Variants in UBE2V2 observed in about 807,000 individuals in gnomAD.
The protein encoded by UBE2V2 is ubiquitin conjugating enzyme E2 V2.
A neutral mutation model predicts 17.2 loss-of-function variants in UBE2V2; 9 were observed. The observed-to-expected ratio is 0.52, with a 90% confidence interval of 0.32 to 0.91. The LOEUF (loss-of-function observed/expected upper bound fraction) is 0.91. Among genes scored for constraint, UBE2V2 ranks in the 40% least tolerant of loss-of-function variants. The probability of loss-of-function intolerance (pLI) is 0.04; values close to 1 mark genes in which losing one functional copy is unlikely to be tolerated. For synonymous variants in UBE2V2, 61 were observed against 57.5 expected, an observed-to-expected ratio of 1.06 and a Z score of -0.28; for missense variants, 133 against 182.6, an observed-to-expected ratio of 0.73 and a Z score of 1.56.
At chr8:48,017,199 C>T (rs2091275103) in intron 1 of UBE2V2, among the ~76,000 whole-genome samples, 1 of 151,798 alleles carries the variant, frequency 6.6e-6, no homozygotes, top group Non-Finnish European at 1.5e-5. Flanking sequence ...GAATTTTTTT[C>T]ATATACCTCT....
chr8:48,020,017 A>G (rs1306199515), intron 1 of UBE2V2, among the ~76,000 whole-genome samples: 3 of 151,702 alleles, frequency 2.0e-5, no homozygotes, highest in African/African-American at 4.8e-5. Context: ...AAGTGAAGCA[A>G]TTCTTGGGCT....
rs139696840 is a variant in UBE2V2 at position 48,062,844 on chromosome 8, T to C, written c.*2016T>C. 1 of 152,258 alleles carries C rather than the reference T, an allele frequency of 6.6e-6. No homozygotes were observed. Among genetic ancestry groups the C allele is most frequent in the East Asian group, 1.9e-4 (1 of 5,178 alleles). 9.4% of individuals were successfully genotyped at this position (152,258 alleles called of 1,614,324 possible). ...GCTTTAAGATGACACATAGAGAACA[T>C]ACACATACATACAAATTAGTGCATT... On this transcript the variant is annotated 3_prime_UTR_variant, in exon 4 of 4. Coordinates refer to ENST00000523111, the MANE Select transcript of UBE2V2 (RefSeq NM_003350.3).
chr8:48,059,657 C>A (rs147443496), intron 3 of UBE2V2, among the ~76,000 whole-genome samples: 1 of 152,156 alleles, frequency 6.6e-6, no homozygotes, highest in Non-Finnish European at 1.5e-5. Context: ...GTGATCCGCC[C>A]GCCTTGGCCT....
chr8:48,009,111 C>T (rs914444303), intron 1 of UBE2V2, among the ~76,000 whole-genome samples: 9 of 152,198 alleles, frequency 5.9e-5, no homozygotes, highest in Admixed American at 4.6e-4. Context: ...TTCAACTCCT[C>T]TTTCCTACTG....
At chr8:48,053,466 C>G (rs542102136) in intron 3 of UBE2V2, among the ~76,000 whole-genome samples, 2 of 149,920 alleles carry the variant, frequency 1.3e-5, no homozygotes, top group Admixed American at 6.6e-5. Flanking sequence ...CTCTGTCTCC[C>G]AGGCTGGAGT....
rs778634495 is a variant in UBE2V2 at position 48,064,411 on chromosome 8, G to A, written c.*3583G>A. 32 of 152,098 alleles carry A rather than the reference G, an allele frequency of 2.1e-4. No individual in the cohort carries two copies. Among genetic ancestry groups the A allele is most frequent in the African/African-American group, 5.3e-4 (22 of 41,416 alleles). 9.4% of individuals were successfully genotyped at this position (152,098 alleles called of 1,614,324 possible). On this transcript the variant is annotated 3_prime_UTR_variant, in exon 4 of 4. Transcript: ENST00000523111. ...AGATAAAAGTGTCATAAAAAGGAAT[G>A]GATGAATTGTTGATAGGAACATTAG...
chr8:48,023,592 C>A (rs760123743), intron 1 of UBE2V2, among the ~76,000 whole-genome samples: 4 of 152,144 alleles, frequency 2.6e-5, no homozygotes, highest in African/African-American at 9.6e-5. Flanking sequence ...TCAGGCTGGG[C>A]GCGCAGTAGT....
chr8:48,012,062 T>C (rs1345613118), intron 1 of UBE2V2, among the ~76,000 whole-genome samples: 1 of 152,238 alleles, frequency 6.6e-6, no homozygotes, highest in African/African-American at 2.4e-5. Context: ...TGGTTACTAG[T>C]ACAGGCAAGA....
At chr8:48,034,854 G>T (rs1194411321) in intron 1 of UBE2V2, 1 of 166,780 alleles carries the variant, frequency 6.0e-6, no homozygotes, top group East Asian at 1.9e-4. Context: ...TTCTTCTGCT[G>T]GTTTCACTTA....
chr8:48,038,317 GTATT>G (rs1364263217), intron 1 of UBE2V2, among the ~76,000 whole-genome samples: 1 of 151,940 alleles, frequency 6.6e-6, no homozygotes, highest in South Asian at 2.1e-4. Context: ...TTTATTATTT[GTATT>G]TATTTATTTA....
At chr8:48,036,527 G>A (rs1467277712) in intron 1 of UBE2V2, among the ~76,000 whole-genome samples, 2 of 151,816 alleles carry the variant, frequency 1.3e-5, no homozygotes, top group African/African-American at 4.8e-5. Context: ...TCTGCCACCT[G>A]GGTTCAAGAA....
In UBE2V2 at chr8:48,063,747, GAA is replaced by G. The variant is rs1802627046; in HGVS notation, c.*2922_*2923del. The G allele has an allele frequency of 6.6e-6, 1 of 152,144 alleles. No individual in the cohort carries two copies. The highest frequency in any genetic ancestry group is 1.5e-5 in the Non-Finnish European group (1 of 68,026). 9.4% of individuals were successfully genotyped at this position (152,144 alleles called of 1,614,324 possible). A position where few individuals can be genotyped will look rare whatever the true frequency, so the allele number is the denominator to read the frequency against. On this transcript the variant is annotated 3_prime_UTR_variant, in exon 4 of 4. Transcript: ENST00000523111. Reference sequence around the variant, plus strand: ...ATTTAGTCTTGGATATAAAAATAGAGAAAATTTATAGCTTTATGTTATTAAAA... The same window carrying G: ...ATTTAGTCTTGGATATAAAAATAGAGAATTTATAGCTTTATGTTATTAAAA...
chr8:48,048,328 TG>T (rs1331302084), intron 2 of UBE2V2, among the ~76,000 whole-genome samples: 1 of 152,250 alleles, frequency 6.6e-6, no homozygotes, highest in African/African-American at 2.4e-5. Context: ...TACCACAATG[TG>T]TTTATCACTT....
chr8:48,021,979 A>G (rs1190816648), intron 1 of UBE2V2, among the ~76,000 whole-genome samples: 1 of 150,830 alleles, frequency 6.6e-6, no homozygotes, highest in Non-Finnish European at 1.5e-5. Context: ...CACGCCTGGC[A>G]TATAGGTTTT....
chr8:48,058,589 A>G (rs1185062921), intron 3 of UBE2V2, among the ~76,000 whole-genome samples: 1 of 151,738 alleles, frequency 6.6e-6, no homozygotes, highest in Non-Finnish European at 1.5e-5. Context: ...AAAAAAAAAA[A>G]AAAGAAAATA....
chr8:48,012,601 C>T (rs2154506674), intron 1 of UBE2V2, among the ~76,000 whole-genome samples: 1 of 151,948 alleles, frequency 6.6e-6, no homozygotes, highest in East Asian at 2.0e-4. Flanking sequence ...GCCTGTAATT[C>T]CAGCTACTCG....
chr8:48,007,346 T>C (rs1288910462), upstream of UBE2V2, among the ~76,000 whole-genome samples: 1 of 152,176 alleles, frequency 6.6e-6, no homozygotes, highest in Non-Finnish European at 1.5e-5. Flanking sequence ...GACATGATTG[T>C]ATATTTAGAA....
chr8:48,041,222 A>G (rs1589861118), intron 1 of UBE2V2, among the ~76,000 whole-genome samples: 1 of 140,488 alleles, frequency 7.1e-6, no homozygotes, highest in African/African-American at 2.7e-5. Flanking sequence ...TCTAGGCTGG[A>G]GTGCAGTGGT....
chr8:48,049,980 T>G lies in UBE2V2; in HGVS notation c.291+2T>G. The G allele has an allele frequency of 6.5e-7, 1 of 1,528,088 alleles. No individual in the cohort carries two copies. Among genetic ancestry groups the G allele is most frequent in the Non-Finnish European group, 8.8e-7 (1 of 1,135,672 alleles). The allele number at this position is 1,528,088 out of a possible 1,614,324, so 94.7% of individuals were successfully genotyped here. ...GGAATAAATAATTCCAGTGGGATGGTAAGTTAATATAGTCATTTTGGTTTT... is the reference window on the plus strand; with the variant it reads ...GGAATAAATAATTCCAGTGGGATGGGAAGTTAATATAGTCATTTTGGTTTT... On this transcript the variant is annotated splice_donor_variant, in intron 3 of 3. Transcript: ENST00000523111. LOFTEE classifies it high-confidence loss of function.
Sources: allele counts gnomAD v4.1 joint callset (sites outside exome capture counted in the v4.1 genomes callset), GRCh38; gene constraint gnomAD v4.1.1; transcripts MANE v1.5; gene names NCBI Gene and HGNC (gene_info 2026-07-23, HGNC 2026-07-21).